Variants in LCLAT1 observed in about 807,000 individuals in gnomAD.
LCLAT1 encodes the protein 1-AGP acyltransferase 8.
LCLAT1 carries 11 observed loss-of-function variants against 30.7 expected under a neutral mutation model. The ratio of observed to expected loss-of-function variants is 0.36; its 90% CI spans 0.23 to 0.59. LCLAT1 has a LOEUF of 0.59. Among genes scored for constraint, LCLAT1 ranks in the 20% least tolerant of loss-of-function variants. LCLAT1 has a pLI of 0.77. For synonymous variants in LCLAT1, 155 were observed against 151.3 expected (o/e 1.02, Z -0.18); for missense variants, 402 against 458.6 (o/e 0.88, Z 1.13).
At chr2:30,474,171 A>G (rs2148296826) in intron 1 of LCLAT1, among the ~76,000 whole-genome samples, 1 of 152,350 alleles carries the variant, frequency 6.6e-6, no homozygotes, top group South Asian at 2.1e-4. Flanking sequence ...GTTGAAATGG[A>G]CCCAAGTGGA....
At chr2:30,616,100 T>A (rs1336921440) in intron 5 of LCLAT1, among the ~76,000 whole-genome samples, 1 of 152,186 alleles carries the variant, frequency 6.6e-6, no homozygotes, top group Non-Finnish European at 1.5e-5. Context: ...CAAAGGTGAT[T>A]TTGACACAAG....
At chr2:30,489,079 G>A (rs1683703939) in intron 1 of LCLAT1, 1 of 152,122 alleles carries the variant, frequency 6.6e-6, no homozygotes. Flanking sequence ...ATGCGACTTA[G>A]ACTATAGATC....
chr2:30,608,542 A>G (rs1044047017), intron 5 of LCLAT1, among the ~76,000 whole-genome samples: 3 of 152,002 alleles, frequency 2.0e-5, no homozygotes, highest in Admixed American at 6.6e-5. Context: ...CTGTAGAGGT[A>G]TACTATTTTT....
intron 1 of LCLAT1, among the ~76,000 whole-genome samples, chr2:30,513,143 T>A (rs541259867): frequency 1.3e-5 from 2 of 152,130 alleles, no homozygotes; most frequent in South Asian, 4.1e-4. Flanking sequence ...GGTACTTTAA[T>A]TTATATTTTA....
At chr2:30,471,290 A>C (rs1682772970) in intron 1 of LCLAT1, among the ~76,000 whole-genome samples, 1 of 151,628 alleles carries the variant, frequency 6.6e-6, no homozygotes, top group South Asian at 2.1e-4. Flanking sequence ...GCTCACTGCA[A>C]CCTCCGCCTC....
chr2:30,506,973 C>A (rs535351516), intron 1 of LCLAT1, among the ~76,000 whole-genome samples: 140 of 152,204 alleles, frequency 9.2e-4, no homozygotes, highest in African/African-American at 3.3e-3. Context: ...ATTTCAATTC[C>A]TTCAGATTGC....
Position 30,642,395 on chromosome 2 carries a change from CT to C in LCLAT1, c.*1780del, listed in dbSNP as rs1669362560. 4 of 34,512 alleles carry C rather than the reference CT, an allele frequency of 1.2e-4. No individual in the cohort carries two copies. The allele number at this position is 34,512 out of a possible 1,614,324, so 2.1% of individuals were successfully genotyped here. On this transcript the variant is annotated 3_prime_UTR_variant, in exon 6 of 6. Transcript: ENST00000379509. ...GTTTTACAGCTTGTTTTTTCTTTTT[CT>C]TTTCTTTTTTTTTTTTTTTTTTTAA...
intron 1 of LCLAT1, among the ~76,000 whole-genome samples, chr2:30,459,064 C>T (rs1056236623): frequency 1.3e-5 from 2 of 152,168 alleles, no homozygotes; most frequent in Admixed American, 6.5e-5. Flanking sequence ...AATCAGGATC[C>T]AGGAAATGAG....
At chr2:30,468,090 T>G (rs900502651) in intron 1 of LCLAT1, among the ~76,000 whole-genome samples, 17 of 152,252 alleles carry the variant, frequency 1.1e-4, no homozygotes, top group African/African-American at 4.1e-4. Flanking sequence ...ATTTAAGTCT[T>G]TAATCCGTCT....
At chr2:30,624,198 C>T (rs767173794) in intron 5 of LCLAT1, among the ~76,000 whole-genome samples, 3 of 152,058 alleles carry the variant, frequency 2.0e-5, no homozygotes, top group Non-Finnish European at 2.9e-5. Context: ...AAAACAATAA[C>T]ACAATGAAGA....
intron 5 of LCLAT1, among the ~76,000 whole-genome samples, chr2:30,634,870 C>T (rs1668949628): frequency 6.6e-6 from 1 of 152,168 alleles, no homozygotes; most frequent in Non-Finnish European, 1.5e-5. Flanking sequence ...TCATATGAAC[C>T]AAGCCCCAAG....
intron 5 of LCLAT1, among the ~76,000 whole-genome samples, chr2:30,611,174 A>G (rs1281808502): frequency 7.9e-6 from 1 of 125,832 alleles, no homozygotes; most frequent in East Asian, 2.3e-4. Flanking sequence ...TGGTCCTTTT[A>G]TAGTCTTTCC....
chr2:30,460,046 A>C (rs558915623), intron 1 of LCLAT1, among the ~76,000 whole-genome samples: 6 of 152,242 alleles, frequency 3.9e-5, no homozygotes, highest in South Asian at 2.1e-4. Context: ...AAAATATTAA[A>C]TTTTTTGGAG....
At chr2:30,449,110 G>A (rs1462696976) in intron 1 of LCLAT1, among the ~76,000 whole-genome samples, 1 of 152,158 alleles carries the variant, frequency 6.6e-6, no homozygotes, top group African/African-American at 2.4e-5. Context: ...GCACATTGAA[G>A]TTTAAGTAAT....
At chr2:30,616,651 A>C (rs1668005204) in intron 5 of LCLAT1, among the ~76,000 whole-genome samples, 2 of 152,196 alleles carry the variant, frequency 1.3e-5, no homozygotes, top group Non-Finnish European at 2.9e-5. Context: ...ACCCTGAAGG[A>C]AATTAACGTC....
At chr2:30,458,086 G>T (rs141289537) in intron 1 of LCLAT1, among the ~76,000 whole-genome samples, 33 of 152,032 alleles carry the variant, frequency 2.2e-4, no homozygotes, top group African/African-American at 8.0e-4. Flanking sequence ...TTGTTAGGTT[G>T]TAAGTTTCAC....
intron 1 of LCLAT1, 57 bp downstream of exon 1, chr2:30,447,440 G>T (rs1189935815): frequency 6.5e-6 from 1 of 152,724 alleles, no homozygotes; most frequent in Non-Finnish European, 1.5e-5. Context: ...GCGGCGGCCG[G>T]GGGATCTCAG....
chr2:30,600,141 G>A (rs1471314401), intron 5 of LCLAT1, among the ~76,000 whole-genome samples: 1 of 152,058 alleles, frequency 6.6e-6, no homozygotes, highest in African/African-American at 2.4e-5. Context: ...CTGCTTGTCT[G>A]TAAAGGATTT....
chr2:30,496,069 G>A (rs1337984015), intron 1 of LCLAT1, among the ~76,000 whole-genome samples: 4 of 152,142 alleles, frequency 2.6e-5, no homozygotes, highest in African/African-American at 9.7e-5. Context: ...AGGCAAAGGG[G>A]AAGCTGGATT....
Sources: allele counts gnomAD v4.1 joint callset (sites outside exome capture counted in the v4.1 genomes callset), GRCh38; gene constraint gnomAD v4.1.1; transcripts MANE v1.5; gene names NCBI Gene and HGNC (gene_info 2026-07-23, HGNC 2026-07-21).